The following PDE4B variants were observed in gnomAD, a reference collection of about 807,000 sequenced individuals.
PDE4B encodes the protein 3',5'-cyclic-AMP phosphodiesterase 4B.
A neutral mutation model predicts 82.2 loss-of-function variants in PDE4B; 20 were observed. The observed-to-expected ratio is 0.24, with a 90% CI of 0.17 to 0.35. The LOEUF (loss-of-function observed/expected upper bound fraction) is 0.35, where lower values mean the gene tolerates loss of function less well. Among genes scored for constraint, PDE4B ranks in the 10% least tolerant of loss-of-function variants. PDE4B has a pLI of 1.00. For missense variants in PDE4B, 655 were observed against 907.2 expected, an observed-to-expected ratio of 0.72 and a Z score of 3.57; for synonymous variants, 320 against 318.9, an observed-to-expected ratio of 1.00 and a Z score of -0.04.
chr1:66,129,404 T>C (rs1324006240), intron 3 of PDE4B, among the ~76,000 whole-genome samples: 1 of 151,940 alleles, frequency 6.6e-6, no homozygotes, highest in East Asian at 1.9e-4. Context: ...ACGCCTGTAA[T>C]CCCAGCACTT....
intron 1 of PDE4B, among the ~76,000 whole-genome samples, chr1:65,808,819 C>A (rs1013065558): frequency 9.2e-5 from 14 of 152,114 alleles, no homozygotes; most frequent in Admixed American, 3.3e-4. Flanking sequence ...TCAGTTATGG[C>A]TGATTTGTGT....
chr1:66,053,077 A>G (rs1211757894), intron 3 of PDE4B, among the ~76,000 whole-genome samples: 2 of 152,242 alleles, frequency 1.3e-5, no homozygotes, highest in African/African-American at 2.4e-5. Flanking sequence ...GTTCTACAGT[A>G]TATGGCCTGA....
rs145585108 is a variant in PDE4B at position 65,826,886 on chromosome 1, C to A, written c.-71+33638C>A. On this transcript the variant is annotated intron_variant, in intron 1 of 16. Transcript: ENST00000341517. ...TGCTTTCCACACTCTTTAGCCCTAC[C>A]CCACCATGTACATCAAATAAAAATA... 1.4e-3 allele frequency among the ~76,000 whole-genome samples: 211 copies of A among 152,166 alleles called. 1 individual carries two copies. Among genetic ancestry groups the A allele is most frequent in the African/African-American group, 4.9e-3 (205 of 41,514 alleles).
chr1:65,964,763 A>T (rs1649725237), intron 3 of PDE4B, among the ~76,000 whole-genome samples: 1 of 152,200 alleles, frequency 6.6e-6, no homozygotes, highest in Non-Finnish European at 1.5e-5. Flanking sequence ...GTGAAAAGAT[A>T]TTCAGAATAT....
chr1:65,939,819 G>A (rs1292302215), intron 3 of PDE4B, among the ~76,000 whole-genome samples: 2 of 152,106 alleles, frequency 1.3e-5, no homozygotes, highest in African/African-American at 2.4e-5. Context: ...ATCCACTTAC[G>A]CAAGGCACTT....
chr1:65,990,581 T>C (rs1258807148), intron 3 of PDE4B, among the ~76,000 whole-genome samples: 1 of 152,204 alleles, frequency 6.6e-6, no homozygotes, highest in Non-Finnish European at 1.5e-5. Flanking sequence ...CCTGTGACAT[T>C]ACTAATAGTT....
intron 3 of PDE4B, among the ~76,000 whole-genome samples, chr1:65,920,566 T>C (rs1488268042): frequency 6.6e-6 from 1 of 152,196 alleles, no homozygotes; most frequent in Non-Finnish European, 1.5e-5. Flanking sequence ...AATGTTTTTA[T>C]TTTTAAAGGA....
intron 3 of PDE4B, among the ~76,000 whole-genome samples, chr1:66,147,677 C>A (rs1232542040): frequency 6.6e-6 from 1 of 152,140 alleles, no homozygotes; most frequent in Non-Finnish European, 1.5e-5. Flanking sequence ...TTATAGATGG[C>A]AGTAATAGGG....
chr1:65,817,734 G>A (rs58037681), intron 1 of PDE4B, among the ~76,000 whole-genome samples: 1,732 of 152,148 alleles, frequency 0.011, 36 homozygotes, highest in African/African-American at 0.04. Flanking sequence ...TATCCATTTT[G>A]TTTGCATCTT....
chr1:66,336,040 A>G (rs1660487542), intron 8 of PDE4B, among the ~76,000 whole-genome samples: 1 of 152,228 alleles, frequency 6.6e-6, no homozygotes, highest in Non-Finnish European at 1.5e-5. Context: ...GAGAAACAGT[A>G]TAGAAAGGAA....
At chr1:66,116,858 C>T (rs1469403638) in intron 3 of PDE4B, among the ~76,000 whole-genome samples, 1 of 152,156 alleles carries the variant, frequency 6.6e-6, no homozygotes, top group Non-Finnish European at 1.5e-5. Context: ...AGCCACCGCA[C>T]CTGGCATATA....
intron 3 of PDE4B, among the ~76,000 whole-genome samples, chr1:66,078,290 T>G (rs1368811267): frequency 6.6e-6 from 1 of 151,906 alleles, no homozygotes; most frequent in East Asian, 1.9e-4. Flanking sequence ...TCCACCTCCA[T>G]GGTTCAAGCA....
chr1:66,059,824 A>G (rs1292783480), intron 3 of PDE4B, among the ~76,000 whole-genome samples: 1 of 152,176 alleles, frequency 6.6e-6, no homozygotes, highest in African/African-American at 2.4e-5. Flanking sequence ...TTCTCATATA[A>G]CATGGGATCA....
intron 1 of PDE4B, among the ~76,000 whole-genome samples, chr1:65,908,850 T>A (rs1166416737): frequency 6.6e-6 from 1 of 152,110 alleles, no homozygotes; most frequent in Non-Finnish European, 1.5e-5. Context: ...GCAGAGACAC[T>A]CAAAAAGGAC....
At chr1:66,304,622 C>T (rs975543949) in intron 7 of PDE4B, among the ~76,000 whole-genome samples, 26 of 152,210 alleles carry the variant, frequency 1.7e-4, no homozygotes, top group African/African-American at 6.0e-4. Context: ...TAGATGTCTT[C>T]AAATGACATA....
chr1:66,337,527 G>A (rs565115693), intron 8 of PDE4B, among the ~76,000 whole-genome samples: 14 of 152,300 alleles, frequency 9.2e-5, no homozygotes, highest in African/African-American at 2.9e-4. Context: ...AGCAGGCTGC[G>A]GTCCAGGGCT....
intron 9 of PDE4B, among the ~76,000 whole-genome samples, chr1:66,358,611 T>A (rs1182160580): frequency 2.7e-5 from 4 of 150,564 alleles, no homozygotes; most frequent in Non-Finnish European, 5.9e-5. Context: ...GAGATGGAGG[T>A]TGCAGTGAGC....
At chr1:66,147,020 C>A (rs538657480) in intron 3 of PDE4B, among the ~76,000 whole-genome samples, 1 of 152,190 alleles carries the variant, frequency 6.6e-6, no homozygotes, top group South Asian at 2.1e-4. Flanking sequence ...TTATATATGA[C>A]TACATTAATA....
intron 3 of PDE4B, among the ~76,000 whole-genome samples, chr1:66,129,544 C>T (rs1428332591): frequency 1.3e-5 from 2 of 150,038 alleles, no homozygotes; most frequent in East Asian, 3.9e-4. Flanking sequence ...CCTGTAGTCC[C>T]AGCTACTTGG....
Sources: allele counts gnomAD v4.1 joint callset (sites outside exome capture counted in the v4.1 genomes callset), GRCh38; gene constraint gnomAD v4.1.1; transcripts MANE v1.5; gene names NCBI Gene and HGNC (gene_info 2026-07-23, HGNC 2026-07-21).